TEAD4: variants seen among roughly 807,000 people sequenced by gnomAD.
TEAD4 encodes transcriptional enhancer factor TEF-3.
Under a neutral mutation model 52.4 loss-of-function variants are expected in TEAD4, and 36 were observed. That is an observed-to-expected ratio of 0.69 (90% CI 0.53 to 0.91). The LOEUF (loss-of-function observed/expected upper bound fraction) is 0.91, where lower values mean the gene tolerates loss of function less well. Among genes scored for constraint, TEAD4 ranks in the 40% least tolerant of loss-of-function variants. The pLI is 0.00. For synonymous variants in TEAD4, 220 were observed against 231.0 expected, an observed-to-expected ratio of 0.95 and a Z score of 0.43; for missense variants, 508 against 583.9, an observed-to-expected ratio of 0.87 and a Z score of 1.34.
intron 5 of TEAD4, among the ~76,000 whole-genome samples, chr12:3,013,680 G>A (rs1366507349): frequency 6.6e-6 from 1 of 152,128 alleles, no homozygotes; most frequent in Non-Finnish European, 1.5e-5. Flanking sequence ...GTTGCAGTGA[G>A]CCAAGATAGT....
At chr12:2,971,080 C>T (rs1021833227) in intron 2 of TEAD4, among the ~76,000 whole-genome samples, 8 of 152,200 alleles carry the variant, frequency 5.3e-5, no homozygotes, top group African/African-American at 7.2e-5. Flanking sequence ...ACGGTGTGCC[C>T]GGCACTGTGC....
At chr12:3,003,775 C>T (rs1354390242) in intron 3 of TEAD4, among the ~76,000 whole-genome samples, 1 of 152,184 alleles carries the variant, frequency 6.6e-6, no homozygotes, top group African/African-American at 2.4e-5. Flanking sequence ...TTGGCCGAGG[C>T]CACCTGCCAC....
chr12:2,995,123 T>G, intron 3 of TEAD4, 131 bp downstream of exon 3: 1 of 1,205,880 alleles, frequency 8.3e-7, no homozygotes, highest in Non-Finnish European at 1.1e-6. Context: ...CACTGCTTTC[T>G]TCCCTCCTGG....
chr12:3,011,413 G>A (rs1169134809), intron 4 of TEAD4, among the ~76,000 whole-genome samples: 1 of 151,854 alleles, frequency 6.6e-6, no homozygotes, highest in African/African-American at 2.4e-5. Flanking sequence ...TGTATTTTTA[G>A]TAGAGACGGG....
chr12:3,003,193 C>T (rs566671192), intron 3 of TEAD4, among the ~76,000 whole-genome samples: 1 of 152,134 alleles, frequency 6.6e-6, no homozygotes, highest in East Asian at 1.9e-4. Flanking sequence ...TGTCCACGCA[C>T]ACTTCCACCC....
chr12:2,962,333 A>AAATATATATATATAT (rs1565518245), intron 2 of TEAD4, among the ~76,000 whole-genome samples: 1 of 38,048 alleles, frequency 2.6e-5, no homozygotes, highest in African/African-American at 5.4e-5. Context: ...TATAAATATA[A>AAATATATATATATAT]ATATATATAT....
At chr12:3,024,323 G>A (rs71458029) in intron 10 of TEAD4, among the ~76,000 whole-genome samples, 51 of 152,236 alleles carry the variant, frequency 3.4e-4, no homozygotes, top group Middle Eastern at 3.4e-3. Context: ...TGATCTGCCC[G>A]CCTCAGCCTC....
At chr12:2,996,315 G>A (rs553740816) in intron 3 of TEAD4, among the ~76,000 whole-genome samples, 3 of 151,954 alleles carry the variant, frequency 2.0e-5, no homozygotes, top group African/African-American at 4.8e-5. Context: ...CCCCAGGGTC[G>A]CCCTTACTTC....
chr12:3,017,041 A>G, intron 5 of TEAD4: 1 of 466,620 alleles, frequency 2.1e-6, no homozygotes, highest in South Asian at 1.5e-5. Context: ...TCCAGCAGAT[A>G]TTCATGCATC....
intron 2 of TEAD4, among the ~76,000 whole-genome samples, chr12:2,992,403 C>T (rs188603223): frequency 6.6e-6 from 1 of 152,282 alleles, no homozygotes; most frequent in Non-Finnish European, 1.5e-5. Flanking sequence ...CTTTTGACCT[C>T]TCCTCCTGGG....
rs779155810 is a variant in TEAD4, at chr12:3,020,807, G to A, written c.723+34G>A. ...TGGCCTCTGCCTGTCCAGCTCCCTG[G>A]TCACCCCCTCTCCCTCTGTTTCTGC... On this transcript the variant is annotated intron_variant, in intron 9 of 12. Transcript: ENST00000359864. 7 of 1,519,638 alleles carry A rather than the reference G, an allele frequency of 4.6e-6. No homozygotes were observed. The East Asian group carries it at 1.8e-4, about 38-fold the overall frequency. The allele number at this position is 1,519,638 out of a possible 1,614,324, so 94.1% of individuals were successfully genotyped here.
At position 3,040,442 on chromosome 12, in the gene TEAD4, G is replaced by A. The variant is rs1454385780; in HGVS notation, c.1269G>A (p.Gly423=). 1 of 1,614,120 alleles carries A rather than the reference G, an allele frequency of 6.2e-7. No homozygotes were observed. Among genetic ancestry groups the A allele is most frequent in the South Asian group, 1.1e-5 (1 of 91,082 alleles). The change falls in exon 13 of 13, where the codon GGG becomes GGA. Residue 423 remains glycine (G), a synonymous_variant. Coordinates refer to ENST00000359864, the MANE Select transcript of TEAD4 (RefSeq NM_003213.4). ...TTGAGGTGTCAGCCAGTGAGCACGG[G>A]GCTCAGCACCACATCTACAGGCTGG...
intron 2 of TEAD4, among the ~76,000 whole-genome samples, chr12:2,963,565 G>A (rs1044497919): frequency 2.0e-5 from 3 of 152,188 alleles, no homozygotes; most frequent in African/African-American, 7.2e-5. Flanking sequence ...GTGGGGGCAG[G>A]GCTTTGTCAC....
chr12:2,985,807 C>T (rs751010750), intron 2 of TEAD4, among the ~76,000 whole-genome samples: 4 of 152,008 alleles, frequency 2.6e-5, no homozygotes, highest in East Asian at 3.9e-4. Context: ...ACATACCAGC[C>T]GGGCGTGGTG....
At chr12:2,970,386 A>G (rs2098224110) in intron 2 of TEAD4, among the ~76,000 whole-genome samples, 1 of 152,264 alleles carries the variant, frequency 6.6e-6, no homozygotes, top group Admixed American at 6.5e-5. Flanking sequence ...AATAAGGTTA[A>G]TAGAACCAAC....
intron 2 of TEAD4, among the ~76,000 whole-genome samples, chr12:2,983,293 A>G (rs2098235591): frequency 6.6e-6 from 1 of 152,228 alleles, no homozygotes; most frequent in Admixed American, 6.5e-5. Context: ...GTCAGGCCCT[A>G]CGCTAGATGA....
In TEAD4 at chr12:2,965,516, T is replaced by G. The variant is rs142781980; in HGVS notation, c.-30+5476T>G. On this transcript the variant is annotated intron_variant, in intron 2 of 12. Transcript: ENST00000359864. ...AAAAAAAGTGAAGTTAATGTTGGTG[T>G]TTTCTTAAACCCTAGTGTTATCAAA... 7.9e-5 allele frequency among the ~76,000 whole-genome samples: 12 copies of G among 152,222 alleles called. No individual in the cohort carries two copies. The East Asian group carries it at 2.3e-3, about 29-fold the overall frequency.
intron 2 of TEAD4, among the ~76,000 whole-genome samples, chr12:2,961,682 A>AG (rs1457548952): frequency 6.6e-6 from 1 of 152,050 alleles, no homozygotes; most frequent in African/African-American, 2.4e-5. Flanking sequence ...ATGTCTGCAG[A>AG]GCCCCCACCC....
At position 2,988,333 on chromosome 12, in the gene TEAD4, C is replaced by T. The variant is rs368263185; in HGVS notation, c.-29-6405C>T. 1.2e-4 allele frequency among the ~76,000 whole-genome samples: 18 copies of T among 151,580 alleles called. No individual in the cohort carries two copies. The East Asian group carries it at 2.0e-3, about 17-fold the overall frequency. On this transcript the variant is annotated intron_variant, in intron 2 of 12. Coordinates refer to ENST00000359864, the MANE Select transcript of TEAD4 (RefSeq NM_003213.4). ...TTCCAGACCAGCCTGGCCAACATGG[C>T]GAAACCCCGTCCCTACTAAAAATAC...
Sources: gnomAD v4.1 joint callset for allele counts (sites outside exome capture counted in the v4.1 genomes callset) on GRCh38, gnomAD v4.1.1 for gene constraint, MANE v1.5 for transcripts, NCBI Gene and HGNC (gene_info 2026-07-23, HGNC 2026-07-21) for gene names.